Variants in ARB2A observed in about 807,000 individuals in gnomAD.
The protein encoded by ARB2A is cotranscriptional regulator ARB2A.
the ARB2A span, among the ~76,000 whole-genome samples, chr5:93,832,183 A>C: frequency 6.6e-6 from 1 of 152,140 alleles, no homozygotes; most frequent in Non-Finnish European, 1.5e-5. Flanking sequence ...CCGAGGATTT[A>C]CTATCTTTGG....
chr5:94,033,837 G>A, the ARB2A span, among the ~76,000 whole-genome samples: 1 of 152,164 alleles, frequency 6.6e-6, no homozygotes, highest in African/African-American at 2.4e-5. Context: ...ACATTTAATT[G>A]CCAATGAAAT....
the ARB2A span, among the ~76,000 whole-genome samples, chr5:94,075,217 A>G: frequency 8.5e-5 from 13 of 152,076 alleles, no homozygotes; most frequent in South Asian, 2.1e-4. Context: ...TGGAACAAGC[A>G]GATAGGAGGA....
At chr5:93,621,254 C>A in the ARB2A span, 1 of 860,518 alleles carries the variant, frequency 1.2e-6, no homozygotes, top group Non-Finnish European at 1.5e-6. Context: ...CCCCTCCCGC[C>A]TGCGCCCCGC....
At chr5:94,041,152 T>C in the ARB2A span, among the ~76,000 whole-genome samples, 1 of 151,850 alleles carries the variant, frequency 6.6e-6, no homozygotes, top group Non-Finnish European at 1.5e-5. Flanking sequence ...AAATCACTAG[T>C]TATCTCCTGT....
the ARB2A span, among the ~76,000 whole-genome samples, chr5:93,830,311 G>GTGTATGTGTGTATA: frequency 1.2e-4 from 10 of 82,270 alleles, no homozygotes; most frequent in Non-Finnish European, 1.4e-4. Flanking sequence ...GTGTGTGTGT[G>GTGTATGTGTGTATA]TATATATATA....
At chr5:93,941,746 A>G in the ARB2A span, among the ~76,000 whole-genome samples, 3 of 152,204 alleles carry the variant, frequency 2.0e-5, no homozygotes, top group African/African-American at 7.2e-5. Flanking sequence ...TTTAGTGAAA[A>G]CAGCTAGGTT....
chr5:94,081,730 T>C, the ARB2A span, among the ~76,000 whole-genome samples: 6 of 152,166 alleles, frequency 3.9e-5, no homozygotes, highest in Non-Finnish European at 8.8e-5. Flanking sequence ...AATAGGTATG[T>C]AGTTTCTTTT....
At chr5:93,627,733 C>T in the ARB2A span, among the ~76,000 whole-genome samples, 2 of 152,272 alleles carry the variant, frequency 1.3e-5, no homozygotes, top group Admixed American at 6.5e-5. Flanking sequence ...AGCCACCATG[C>T]CCAGCCACAA....
At chr5:93,991,049 TAAG>T in the ARB2A span, among the ~76,000 whole-genome samples, 1 of 152,126 alleles carries the variant, frequency 6.6e-6, no homozygotes, top group Admixed American at 6.6e-5. Flanking sequence ...GGCTGAATAC[TAAG>T]TTGTATATGC....
the ARB2A span, among the ~76,000 whole-genome samples, chr5:94,065,685 C>G: frequency 3.9e-5 from 6 of 152,080 alleles, no homozygotes; most frequent in African/African-American, 1.4e-4. Flanking sequence ...TATAACAATT[C>G]TAAACATATA....
the ARB2A span, among the ~76,000 whole-genome samples, chr5:93,908,340 TTA>T: frequency 6.6e-6 from 1 of 150,918 alleles, no homozygotes; most frequent in Non-Finnish European, 1.5e-5. Context: ...ACAAAATATA[TTA>T]GTTTTATTAA....
the ARB2A span, among the ~76,000 whole-genome samples, chr5:93,792,227 A>G: frequency 6.6e-6 from 1 of 152,184 alleles, no homozygotes; most frequent in Non-Finnish European, 1.5e-5. Context: ...TGACCAGAGT[A>G]GGCAAGATAT....
the ARB2A span, among the ~76,000 whole-genome samples, chr5:93,873,952 T>G: frequency 6.6e-6 from 1 of 152,168 alleles, no homozygotes; most frequent in Non-Finnish European, 1.5e-5. Context: ...TTCTACCACA[T>G]GAAAGGCAAA....
chr5:94,070,024 T>C, the ARB2A span, among the ~76,000 whole-genome samples: 1 of 152,158 alleles, frequency 6.6e-6, no homozygotes, highest in African/African-American at 2.4e-5. Context: ...AGCAGTGATA[T>C]GGAATCAACC....
the ARB2A span, among the ~76,000 whole-genome samples, chr5:93,971,112 C>T: frequency 6.6e-6 from 1 of 151,958 alleles, no homozygotes; most frequent in Non-Finnish European, 1.5e-5. Flanking sequence ...CATTCTCCTG[C>T]CTCAGCCACC....
At chr5:93,717,785 T>A in the ARB2A span, among the ~76,000 whole-genome samples, 33 of 152,134 alleles carry the variant, frequency 2.2e-4, no homozygotes, top group African/African-American at 7.2e-4. Flanking sequence ...TAGGCATAAA[T>A]TCCTGATATT....
chr5:93,957,572 C>T, the ARB2A span, among the ~76,000 whole-genome samples: 2 of 152,018 alleles, frequency 1.3e-5, no homozygotes, highest in East Asian at 3.8e-4. Flanking sequence ...AAAATATACA[C>T]TGTCGAAATT....
chr5:93,655,400 TATC>T, the ARB2A span, among the ~76,000 whole-genome samples: 1 of 152,208 alleles, frequency 6.6e-6, no homozygotes, highest in Admixed American at 6.5e-5. Flanking sequence ...CTGTCCTTAG[TATC>T]CATTTTCCTC....
chr5:93,755,763 T>G, the ARB2A span, among the ~76,000 whole-genome samples: 1 of 152,210 alleles, frequency 6.6e-6, no homozygotes, highest in Admixed American at 6.5e-5. Context: ...CATTCCTGCC[T>G]GGCATCACAG....
Sources: allele counts gnomAD v4.1 joint callset (sites outside exome capture counted in the v4.1 genomes callset), GRCh38; gene constraint gnomAD v4.1.1; transcripts MANE v1.5; gene names NCBI Gene and HGNC (gene_info 2026-07-23, HGNC 2026-07-21).